The following STIL variants were observed in gnomAD, a reference collection of about 807,000 sequenced individuals.
The protein encoded by STIL is STIL centriolar assembly protein, also known as SCL-interrupting locus protein.
A neutral mutation model predicts 110.1 loss-of-function variants in STIL; 55 were observed. That is an observed-to-expected ratio of 0.50 (90% CI 0.40 to 0.63). The LOEUF (loss-of-function observed/expected upper bound fraction) is 0.63, where lower values mean the gene tolerates loss of function less well. Among genes scored for constraint, STIL ranks in the 20% least tolerant of loss-of-function variants. The pLI, the probability that STIL is intolerant of heterozygous loss-of-function variation, is 0.00. For missense variants in STIL, 1,358 were observed against 1,530.0 expected (o/e 0.89, Z 1.87); for synonymous variants, 481 against 530.0 (o/e 0.91, Z 1.27).
At chr1:47,258,737 G>A (rs1307514572) in intron 16 of STIL, among the ~76,000 whole-genome samples, 2 of 151,870 alleles carry the variant, frequency 1.3e-5, no homozygotes, top group Non-Finnish European at 1.5e-5. Context: ...CTAAGTACTG[G>A]TGCAAGCCTG....
chr1:47,303,961 A>G (rs368049689), intron 3 of STIL, among the ~76,000 whole-genome samples: 1 of 152,114 alleles, frequency 6.6e-6, no homozygotes. Flanking sequence ...AATACTTTCT[A>G]TTCCAGGCAC....
In STIL at chr1:47,280,383, A is replaced by C. The variant is rs773409730; in HGVS notation, c.2075T>G (p.Met692Arg). The C allele has an allele frequency of 6.2e-6, 10 of 1,614,110 alleles. No individual in the cohort carries two copies. In the South Asian group the frequency reaches 9.9e-5, roughly 16 times the overall value. Residue 692 changes from methionine (M) to arginine (R), a missense_variant, in exon 12 of 17, where the codon ATG (methionine) becomes AGG (arginine). Physicochemically the swap from Met to Arg is moderately conservative, Grantham distance 91. Coordinates refer to ENST00000371877, the MANE Select transcript of STIL (RefSeq NM_001048166.1). ...PSPVARPPSH[M>R]DLCNPQPCTV... ...GCAAGGCTGTGGGTTACATAAGTCC[A>C]TATGTGAAGGCGGTCTTGCCACAGG...
chr1:47,311,020 G>C (rs1646106833), intron 1 of STIL, among the ~76,000 whole-genome samples: 1 of 151,706 alleles, frequency 6.6e-6, no homozygotes, highest in South Asian at 2.1e-4. Flanking sequence ...GCTAATTTTT[G>C]TATTTTTAGT....
At chr1:47,287,233 G>A (rs1353138325) in intron 10 of STIL, among the ~76,000 whole-genome samples, 1 of 151,970 alleles carries the variant, frequency 6.6e-6, no homozygotes, top group Non-Finnish European at 1.5e-5. Context: ...TATAAGGAAG[G>A]GAAGAACAAA....
In STIL at chr1:47,302,274, AT is replaced by A. The variant is rs769117150; in HGVS notation, c.224del (p.Asn75IlefsTer10). On this transcript the variant is annotated frameshift_variant, in exon 4 of 17. Coordinates refer to ENST00000371877, the MANE Select transcript of STIL (RefSeq NM_001048166.1). LOFTEE classifies it high-confidence loss of function. Reference protein sequence around the residue: ...AYRHAKQNKKNSSCFLLGSLT... With the variant: ...AYRHAKQNKKXSSCFLLGSLT... The stretch of plus-strand genomic sequence containing the variant: ...GAGAACCAAGTAAAAAGCATGACGA[AT>A]TTTTTTTATTCTGCTTAGCATGACG... 1.2e-6 allele frequency: 2 copies of A among 1,612,636 alleles called. No individual in the cohort carries two copies. The highest frequency in any genetic ancestry group is 1.3e-5 in the African/African-American group (1 of 74,900).
At chr1:47,297,925 C>T (rs926091363) in intron 6 of STIL, among the ~76,000 whole-genome samples, 1 of 152,052 alleles carries the variant, frequency 6.6e-6, no homozygotes, top group Non-Finnish European at 1.5e-5. Context: ...GGGATGGGTA[C>T]TAAAGAAAAC....
chr1:47,285,659 C>T (rs1023858345), intron 10 of STIL, among the ~76,000 whole-genome samples: 17 of 151,532 alleles, frequency 1.1e-4, no homozygotes, highest in Non-Finnish European at 2.9e-5. Flanking sequence ...GGTTTCACCA[C>T]GTTGGCCAGG....
chr1:47,286,700 A>G (rs2149037791), intron 10 of STIL, among the ~76,000 whole-genome samples: 1 of 152,080 alleles, frequency 6.6e-6, no homozygotes, highest in African/African-American at 2.4e-5. Flanking sequence ...TCTCAAAGAA[A>G]AAAAAGAAAA....
chr1:47,289,816 A>G (rs1442028097), intron 8 of STIL, among the ~76,000 whole-genome samples: 1 of 151,850 alleles, frequency 6.6e-6, no homozygotes, highest in African/African-American at 2.4e-5. Context: ...TACAAAACAA[A>G]ATTTTATTTT....
At chr1:47,272,644 T>C (rs960911233) in intron 12 of STIL, among the ~76,000 whole-genome samples, 2 of 151,974 alleles carry the variant, frequency 1.3e-5, no homozygotes, top group Non-Finnish European at 2.9e-5. Context: ...GAGATGGGGT[T>C]TTGCCATGTT....
intron 15 of STIL, among the ~76,000 whole-genome samples, chr1:47,261,375 G>A (rs539682730): frequency 2.0e-5 from 3 of 151,514 alleles, no homozygotes; most frequent in African/African-American, 7.3e-5. Context: ...GTGACAGAGT[G>A]AGACTCTGTC....
chr1:47,293,091 TTAA>T (rs1645541621), intron 8 of STIL, among the ~76,000 whole-genome samples: 1 of 152,220 alleles, frequency 6.6e-6, no homozygotes, highest in Admixed American at 6.5e-5. Context: ...ACTGTGTAAC[TTAA>T]TAAAACATCT....
chr1:47,255,937 C>T (rs1310628279), intron 16 of STIL, among the ~76,000 whole-genome samples: 1 of 152,120 alleles, frequency 6.6e-6, no homozygotes, highest in African/African-American at 2.4e-5. Context: ...CTCCTGGAGT[C>T]CAGAACTGGA....
intron 6 of STIL, among the ~76,000 whole-genome samples, chr1:47,297,683 G>C (rs1237164261): frequency 6.6e-6 from 1 of 151,918 alleles, no homozygotes; most frequent in East Asian, 1.9e-4. Context: ...GAAATCCTAA[G>C]CTCAAGCCAC....
chr1:47,281,184 G>A lies in STIL; in HGVS notation c.1274C>T (p.Pro425Leu). Residue 425 changes from proline (P) to leucine (L), a missense_variant, in exon 12 of 17, where the codon CCT (proline) becomes CTT (leucine). Coordinates refer to ENST00000371877, the MANE Select transcript of STIL (RefSeq NM_001048166.1). The stretch of plus-strand genomic sequence containing the variant: ...GCCATCCAACACAAGTGAAAGTTCA[G>A]GAACTGATGGTTGGATCTTAGAAAT... ...QKISKIQPSV[P>L]ELSLVLDGNF... 6.2e-7 allele frequency: 1 copy of A among 1,613,092 alleles called. No homozygotes were observed. Among genetic ancestry groups the A allele is most frequent in the Admixed American group, 1.7e-5 (1 of 59,852 alleles).
chr1:47,253,911 G>T (rs555918223), intron 16 of STIL, among the ~76,000 whole-genome samples: 1 of 152,124 alleles, frequency 6.6e-6, no homozygotes, highest in Admixed American at 6.6e-5. Context: ...AGGCATGGTG[G>T]CTCCCGCCTG....
At chr1:47,303,343 T>C (rs911397565) in intron 3 of STIL, among the ~76,000 whole-genome samples, 2 of 152,194 alleles carry the variant, frequency 1.3e-5, no homozygotes, top group Non-Finnish European at 2.9e-5. Context: ...GGCAGGTGGA[T>C]CACCTGAGGT....
At chr1:47,288,181 A>G (rs1360613408) in intron 9 of STIL, among the ~76,000 whole-genome samples, 1 of 151,294 alleles carries the variant, frequency 6.6e-6, no homozygotes, top group Non-Finnish European at 1.5e-5. Context: ...AGTATTCAAT[A>G]TTTTTCTAAT....
intron 6 of STIL, among the ~76,000 whole-genome samples, chr1:47,297,929 A>G (rs1278166441): frequency 6.6e-6 from 1 of 152,224 alleles, no homozygotes; most frequent in Non-Finnish European, 1.5e-5. Flanking sequence ...TGGGTACTAA[A>G]GAAAACAAAT....
Sources: gnomAD v4.1 joint callset for allele counts (sites outside exome capture counted in the v4.1 genomes callset) on GRCh38, gnomAD v4.1.1 for gene constraint, MANE v1.5 for transcripts, NCBI Gene and HGNC (gene_info 2026-07-23, HGNC 2026-07-21) for gene names.